Variants in LRPPRC observed in about 807,000 individuals in gnomAD.
LRPPRC encodes the protein leucine-rich PPR motif-containing protein, mitochondrial.
In LRPPRC, 120 loss-of-function variants were observed where a neutral mutation model predicts 180.3. The ratio of observed to expected loss-of-function variants is 0.67; its 90% CI spans 0.57 to 0.77. The LOEUF (loss-of-function observed/expected upper bound fraction) is 0.77. Ranked by LOEUF, LRPPRC falls within the 30% of genes least tolerant of loss-of-function variation. The probability of loss-of-function intolerance (pLI) is 0.00; values close to 1 mark genes in which losing one functional copy is unlikely to be tolerated. For missense variants in LRPPRC, 2,012 were observed against 1,657.2 expected, an observed-to-expected ratio of 1.21 and a Z score of -3.72; for synonymous variants, 723 against 600.0, an observed-to-expected ratio of 1.21 and a Z score of -3.00.
intron 12 of LRPPRC, among the ~76,000 whole-genome samples, chr2:43,962,523 T>C (rs1439836786): frequency 1.3e-5 from 2 of 152,240 alleles, no homozygotes; most frequent in South Asian, 2.1e-4. Context: ...TGTTCCTAAC[T>C]GCACAGCACT....
intron 29 of LRPPRC, among the ~76,000 whole-genome samples, chr2:43,914,591 GGTGGGGGGTGCCTGTAATCC>G (rs1671373827): frequency 6.6e-6 from 1 of 152,016 alleles, no homozygotes; most frequent in South Asian, 2.1e-4. Context: ...AGCTAGGGGT[GGTGGGGGGTGCCTGTAATCC>G]CAGCTACTTG....
At chr2:43,901,264 G>A (rs1670872341) in intron 32 of LRPPRC, 56 bp downstream of exon 32, 3 of 1,421,936 alleles carry the variant, frequency 2.1e-6, no homozygotes, top group Non-Finnish European at 3.0e-6. Flanking sequence ...GGTGGTATCT[G>A]AGGCAATGCC....
rs11681588 is a variant in LRPPRC, at chr2:43,887,028, C to T, written c.*1572G>A. On this transcript the variant is annotated 3_prime_UTR_variant, in exon 38 of 38. Transcript: ENST00000260665. ...GAACATGGTGGTGCAAGCCTGTAAT[C>T]TCAGCTACGTGGGAGGCTGAGGCAC... 2.6e-5 allele frequency: 4 copies of T among 151,086 alleles called. No homozygotes were observed. The highest frequency in any genetic ancestry group is 9.7e-5 in the African/African-American group (4 of 41,046). 9.4% of individuals were successfully genotyped at this position (151,086 alleles called of 1,614,324 possible).
At chr2:43,951,008 T>C (rs1295145073) in intron 14 of LRPPRC, among the ~76,000 whole-genome samples, 1 of 152,044 alleles carries the variant, frequency 6.6e-6, no homozygotes, top group Non-Finnish European at 1.5e-5. Flanking sequence ...AAGCGGAGGT[T>C]GCAGTGAGCC....
intron 23 of LRPPRC, among the ~76,000 whole-genome samples, chr2:43,939,785 T>C (rs942046582): frequency 2.6e-5 from 4 of 152,228 alleles, no homozygotes; most frequent in African/African-American, 7.2e-5. Flanking sequence ...AATTTAGCTG[T>C]CACTTACTTT....
intron 16 of LRPPRC, 133 bp from the exon 17 acceptor site, chr2:43,948,651 C>A: frequency 1.5e-6 from 1 of 685,126 alleles, no homozygotes; most frequent in Non-Finnish European, 2.7e-6. Context: ...CAACAATGAT[C>A]ACTGAGGCAT....
At chr2:43,994,647 G>A (rs944165814) in intron 1 of LRPPRC, among the ~76,000 whole-genome samples, 5 of 152,104 alleles carry the variant, frequency 3.3e-5, no homozygotes, top group Admixed American at 6.6e-5. Context: ...CAGTCCTTAC[G>A]CGAGCTCTCA....
chr2:43,905,630 G>C (rs944164164), intron 31 of LRPPRC, 62 bp downstream of exon 31: 1 of 1,159,256 alleles, frequency 8.6e-7, no homozygotes, highest in Non-Finnish European at 1.3e-6. Context: ...TATTCGAAGG[G>C]CGTTACAAGA....
chr2:43,914,312 G>A (rs1039515459), intron 29 of LRPPRC, among the ~76,000 whole-genome samples: 1 of 151,860 alleles, frequency 6.6e-6, no homozygotes, highest in Non-Finnish European at 1.5e-5. Flanking sequence ...TGACAATCAC[G>A]ATATACCTTT....
Position 43,973,794 on chromosome 2 carries a change from C to A in LRPPRC, c.1261+1G>T. The A allele has an allele frequency of 1.2e-6, 2 of 1,611,134 alleles. No individual in the cohort carries two copies. Among genetic ancestry groups the A allele is most frequent in the South Asian group, 2.2e-5 (2 of 91,034 alleles). On this transcript the variant is annotated splice_donor_variant, in intron 10 of 37. Transcript: ENST00000260665. LOFTEE classifies it high-confidence loss of function. ...TGGCTTTAACTTTAAGAATGTAGTA[C>A]CAGTTTTATTGGCGAGTAAAGCACA... is the stretch of plus-strand genomic sequence containing the variant.
chr2:43,960,624 C>T lies in LRPPRC; in HGVS notation c.1499G>A (p.Cys500Tyr). ...SARAILQENGCLSDSDMFSQA... is the reference protein window; with the variant it reads ...SARAILQENGYLSDSDMFSQA... ...AGAAAACATATCACTATCAGACAGA[C>T]ATCCATTTTCCTGGAGATAAAGCAT... The change falls in exon 13 of 38, where the codon TGT (cysteine) becomes TAT (tyrosine). Residue 500 changes from cysteine (C) to tyrosine (Y), a missense_variant. By Grantham distance (194) the Cys-to-Tyr change is radical. Transcript: ENST00000260665. 1.3e-6 allele frequency: 2 copies of T among 1,577,058 alleles called. No homozygotes were observed. Among genetic ancestry groups the T allele is most frequent in the Non-Finnish European group, 1.7e-6 (2 of 1,148,102 alleles).
chr2:43,905,905 TC>T, intron 30 of LRPPRC, 125 bp from the exon 31 acceptor site: 1 of 748,230 alleles, frequency 1.3e-6, no homozygotes, highest in Non-Finnish European at 2.4e-6. Flanking sequence ...CTGCAAAATA[TC>T]GACCTGGAGA....
At chr2:43,958,620 C>T (rs1673217740) in intron 13 of LRPPRC, among the ~76,000 whole-genome samples, 1 of 152,222 alleles carries the variant, frequency 6.6e-6, no homozygotes, top group Admixed American at 6.5e-5. Context: ...AACACCACCA[C>T]ATGCCTCTCA....
intron 11 of LRPPRC, among the ~76,000 whole-genome samples, chr2:43,972,333 C>T (rs1673858215): frequency 6.6e-6 from 1 of 152,158 alleles, no homozygotes. Context: ...ATTTCAACTG[C>T]TACAACCATA....
chr2:43,973,672 A>G lies in LRPPRC; in HGVS notation c.1304T>C (p.Phe435Ser). 1 of 1,614,072 alleles carries G rather than the reference A, an allele frequency of 6.2e-7. No homozygotes were observed. The highest frequency in any genetic ancestry group is 8.5e-7 in the Non-Finnish European group (1 of 1,179,928). ...CCAGAAATAGTGAGGTCTGATAGGAAAACCTTCCTCCTTCACAGCCTTCAT... is the reference window on the plus strand; with the variant it reads ...CCAGAAATAGTGAGGTCTGATAGGAGAACCTTCCTCCTTCACAGCCTTCAT... ...ALMKAVKEEG[F>S]PIRPHYFWPL... Residue 435 changes from phenylalanine to serine, a missense_variant, in exon 11 of 38, where the codon TTT (phenylalanine) becomes TCT (serine). Coordinates refer to ENST00000260665, the MANE Select transcript of LRPPRC (RefSeq NM_133259.4).
intron 37 of LRPPRC, among the ~76,000 whole-genome samples, chr2:43,889,314 C>CAA (rs780032604): frequency 0.37 from 14,042 of 38,260 alleles, 3,889 homozygotes; most frequent in East Asian, 0.52. Flanking sequence ...GACTCCATCT[C>CAA]AAAAAAAAAA....
chr2:43,980,553 CAAAA>C (rs145131663), intron 2 of LRPPRC, among the ~76,000 whole-genome samples: 2 of 85,078 alleles, frequency 2.4e-5, no homozygotes. Flanking sequence ...GACTCTGTTT[CAAAA>C]AAAAAAAAAA....
intron 30 of LRPPRC, among the ~76,000 whole-genome samples, chr2:43,906,363 A>G (rs1160843135): frequency 6.6e-6 from 1 of 152,208 alleles, no homozygotes; most frequent in East Asian, 1.9e-4. Flanking sequence ...TCACACAACC[A>G]TCTTGCCCTA....
rs780433769 is a variant in LRPPRC at position 43,949,607 on chromosome 2, G to A, written c.1730C>T (p.Pro577Leu). Residue 577 changes from proline (P) to leucine (L), a missense_variant, in exon 16 of 38, where the codon CCG (proline) becomes CTG (leucine). Physicochemically the swap from Pro to Leu is moderately conservative, Grantham distance 98 (BLOSUM62 -3). Coordinates refer to ENST00000260665, the MANE Select transcript of LRPPRC (RefSeq NM_133259.4). ...DGRYCQEPRG[P>L]TEAVGYFLYN... ...CATCGAAATTGAAACGCTACCCGTCGGTCCTCGAGGCTCCTGGCAATAACG... is the reference window on the plus strand; with the variant it reads ...CATCGAAATTGAAACGCTACCCGTCAGTCCTCGAGGCTCCTGGCAATAACG... 7.1e-5 allele frequency: 114 copies of A among 1,613,472 alleles called. No individual in the cohort carries two copies. Among genetic ancestry groups the A allele is most frequent in the Middle Eastern group, 3.3e-4 (2 of 6,060 alleles).
Sources: gnomAD v4.1 joint callset for allele counts (sites outside exome capture counted in the v4.1 genomes callset) on GRCh38, gnomAD v4.1.1 for gene constraint, MANE v1.5 for transcripts, NCBI Gene and HGNC (gene_info 2026-07-23, HGNC 2026-07-21) for gene names.